Variants in RNF6 observed in about 807,000 individuals in gnomAD.
The protein encoded by RNF6 is E3 ubiquitin-protein ligase RNF6.
Under a neutral mutation model 50.1 loss-of-function variants are expected in RNF6, and 21 were observed. The ratio of observed to expected loss-of-function variants is 0.42; its 90% CI spans 0.30 to 0.60. RNF6 has a LOEUF of 0.60. RNF6 is among the 20% of genes least tolerant of loss of function. The probability of loss-of-function intolerance (pLI) is 0.20; values close to 1 mark genes in which losing one functional copy is unlikely to be tolerated. For missense variants in RNF6, 698 were observed against 838.2 expected (o/e 0.83, Z 2.07); for synonymous variants, 255 against 291.8 (o/e 0.87, Z 1.29).
chr13:26,157,672 G>A (rs980231331), intron 5 of RNF6, among the ~76,000 whole-genome samples: 2 of 152,122 alleles, frequency 1.3e-5, no homozygotes, highest in Admixed American at 1.3e-4. Context: ...CACTTTGCAG[G>A]TTGACAAAGA....
At chr13:26,135,994 T>C (rs1828807715) in intron 5 of RNF6, among the ~76,000 whole-genome samples, 1 of 152,222 alleles carries the variant, frequency 6.6e-6, no homozygotes, top group Non-Finnish European at 1.5e-5. Context: ...GGCACTATGT[T>C]TCATGTACAG....
At chr13:26,203,212 A>C (rs1868962187) in intron 5 of RNF6, among the ~76,000 whole-genome samples, 1 of 152,204 alleles carries the variant, frequency 6.6e-6, no homozygotes, top group African/African-American at 2.4e-5. Context: ...CGGCTTTGAC[A>C]AAGAGGCTTG....
chr13:26,161,388 T>C (rs576443807), intron 5 of RNF6, among the ~76,000 whole-genome samples: 31 of 152,246 alleles, frequency 2.0e-4, no homozygotes, highest in Non-Finnish European at 4.1e-4. Context: ...AATAAAATTT[T>C]ATGAACTGTA....
intron 3 of RNF6, 70 bp from the exon 4 acceptor site, chr13:26,218,676 A>C: frequency 8.6e-7 from 1 of 1,165,670 alleles, no homozygotes; most frequent in Non-Finnish European, 1.3e-6. Context: ...GAAGGGTAAG[A>C]CTAATCTTTA....
intron 5 of RNF6, among the ~76,000 whole-genome samples, chr13:26,151,614 T>G (rs1383553970): frequency 1.3e-4 from 5 of 37,354 alleles, no homozygotes; most frequent in East Asian, 1.8e-3. Flanking sequence ...CCTTTTTTTC[T>G]TTTTTTCTTT....
chr13:26,218,547 A>C lies in RNF6; in HGVS notation c.253T>G (p.Ser85Ala). 6.2e-7 allele frequency: 1 copy of C among 1,613,920 alleles called. No homozygotes were observed. The highest frequency in any genetic ancestry group is 8.5e-7 in the Non-Finnish European group (1 of 1,179,870). ...GTTCCATCTCTCAAGTCAGGCTGAG[A>C]TGCTAGTTGTTCCTTGACGCCATCT... is the stretch of plus-strand genomic sequence containing the variant. The part of the protein sequence containing the change: ...RLDGVKEQLA[S>A]QPDLRDGTNY... The change falls in exon 4 of 5, where the codon TCT (serine) becomes GCT (alanine). Residue 85 changes from serine to alanine, a missense_variant. Transcript: ENST00000381588.
At position 26,175,383 on chromosome 13, in the gene RNF6, A is replaced by G. The variant is rs554280585; in HGVS notation, n.768+40091T>C. Among the ~76,000 whole-genome samples, 1,028 of 152,180 alleles carry G rather than the reference A, an allele frequency of 6.8e-3. 2 individuals carry two copies. The highest frequency in any genetic ancestry group is 0.012 in the Non-Finnish European group (803 of 67,974). The stretch of plus-strand genomic sequence containing the variant: ...GGCGTGAGCCACTGCACCCAGCCTC[A>G]GGTGATTTTTGAGAGGACACCTGAC... On this transcript the variant is annotated intron_variant and non_coding_transcript_variant, in intron 5 of 5. Coordinates refer to the RNF6 transcript ENST00000468480.
At chr13:26,179,059 G>A (rs1027949053) in intron 5 of RNF6, among the ~76,000 whole-genome samples, 1 of 152,176 alleles carries the variant, frequency 6.6e-6, no homozygotes, top group African/African-American at 2.4e-5. Flanking sequence ...AGAACACTGT[G>A]CACCAGTTAT....
Position 26,214,781 on chromosome 13 carries a change from G to A in RNF6, c.1101C>T (p.Phe367=), listed in dbSNP as rs1313162244. 2.5e-6 allele frequency: 4 copies of A among 1,614,168 alleles called. No homozygotes were observed. Among genetic ancestry groups the A allele is most frequent in the East Asian group, 2.2e-5 (1 of 44,878 alleles). ...RERRGTAYTP[F]SNSRLVSRIT... Reference sequence around the variant, plus strand: ...TTCTTGACACAAGCCTTGAATTAGAGAATGGGGTATATGCAGTACCTCTGC... The same window carrying A: ...TTCTTGACACAAGCCTTGAATTAGAAAATGGGGTATATGCAGTACCTCTGC... Residue 367 remains phenylalanine (F), a synonymous_variant, in exon 5 of 5, where the codon TTC becomes TTT. Coordinates refer to ENST00000381588, the MANE Select transcript of RNF6 (RefSeq NM_005977.4).
intron 5 of RNF6, among the ~76,000 whole-genome samples, chr13:26,188,595 GGGGCTTTAGTT>G (rs1320110786): frequency 1.4e-5 from 2 of 145,822 alleles, no homozygotes; most frequent in Non-Finnish European, 3.0e-5. Flanking sequence ...CCTTTTAGTG[GGGGCTTTAGTT>G]GGACAAGTCA....
chr13:26,184,330 C>T (rs527376125), intron 5 of RNF6, among the ~76,000 whole-genome samples: 6 of 152,140 alleles, frequency 3.9e-5, no homozygotes, highest in Non-Finnish European at 8.8e-5. Context: ...CGCGCCCGGC[C>T]GCCTCAAATT....
intron 5 of RNF6, among the ~76,000 whole-genome samples, chr13:26,201,342 G>T (rs1266757060): frequency 6.6e-6 from 1 of 152,180 alleles, no homozygotes; most frequent in African/African-American, 2.4e-5. Context: ...GGTTACATTT[G>T]TACACTAGTG....
rs1869529685 is a variant in RNF6, at chr13:26,214,005, C to G, written c.1877G>C (p.Ser626Thr). The G allele has an allele frequency of 6.2e-7, 1 of 1,614,088 alleles. No homozygotes were observed. The highest frequency in any genetic ancestry group is 1.3e-5 in the African/African-American group (1 of 74,920). The change falls in exon 5 of 5, where the codon AGT becomes ACT. Residue 626 changes from serine to threonine, a missense_variant. Coordinates refer to ENST00000381588, the MANE Select transcript of RNF6 (RefSeq NM_005977.4). Reference sequence around the variant, plus strand: ...AACACTACAGATTTTACCTAGTTCACTATCAATACTGTTATGCTCATAGTG... The same window carrying G: ...AACACTACAGATTTTACCTAGTTCAGTATCAATACTGTTATGCTCATAGTG... The part of the protein sequence containing the change: ...TRHYEHNSID[S>T]ELGKICSVCI...
At chr13:26,180,691 T>A (rs1015143238) in intron 5 of RNF6, among the ~76,000 whole-genome samples, 3 of 152,244 alleles carry the variant, frequency 2.0e-5, no homozygotes, top group Admixed American at 6.5e-5. Flanking sequence ...TGTCTTTCCC[T>A]GATTAGAACC....
At chr13:26,140,036 G>C (rs145313146) in intron 5 of RNF6, among the ~76,000 whole-genome samples, 1 of 152,238 alleles carries the variant, frequency 6.6e-6, no homozygotes, top group South Asian at 2.1e-4. Flanking sequence ...CATATAAAAT[G>C]TAACTGACTT....
intron 5 of RNF6, among the ~76,000 whole-genome samples, chr13:26,205,570 T>C (rs1431951444): frequency 1.3e-5 from 2 of 152,226 alleles, no homozygotes; most frequent in Non-Finnish European, 2.9e-5. Flanking sequence ...GCTTTTCACC[T>C]GAACAAACTG....
At chr13:26,155,692 G>C (rs1417183798) in intron 5 of RNF6, among the ~76,000 whole-genome samples, 1 of 152,194 alleles carries the variant, frequency 6.6e-6, no homozygotes, top group Non-Finnish European at 1.5e-5. Context: ...TCCCACTCTG[G>C]TAGGAAAAGG....
At chr13:26,162,604 C>G (rs1290154387) in intron 5 of RNF6, among the ~76,000 whole-genome samples, 1 of 152,208 alleles carries the variant, frequency 6.6e-6, no homozygotes, top group South Asian at 2.1e-4. Flanking sequence ...CATGCTTTTC[C>G]TCAATGGATG....
intron 5 of RNF6, among the ~76,000 whole-genome samples, chr13:26,204,530 A>C (rs1869028100): frequency 2.0e-5 from 3 of 151,752 alleles, no homozygotes; most frequent in Admixed American, 2.0e-4. Context: ...GAAAGAAAGA[A>C]AAAGAAAAAA....
Sources: allele counts gnomAD v4.1 joint callset (sites outside exome capture counted in the v4.1 genomes callset), GRCh38; gene constraint gnomAD v4.1.1; transcripts MANE v1.5; gene names NCBI Gene and HGNC (gene_info 2026-07-23, HGNC 2026-07-21).